Variants in MDN1 observed in about 807,000 individuals in gnomAD.
The protein encoded by MDN1 is midasin AAA ATPase 1, also known as midasin.
In MDN1, 266 loss-of-function variants were observed where a neutral mutation model predicts 669.2. The ratio of observed to expected loss-of-function variants is 0.40; its 90% CI spans 0.36 to 0.44. The LOEUF (loss-of-function observed/expected upper bound fraction) is 0.44, where lower values mean the gene tolerates loss of function less well. MDN1 is among the 20% of genes least tolerant of loss of function. MDN1 has a pLI of 1.00. For synonymous variants in MDN1, 2,385 were observed against 2,457.1 expected, an observed-to-expected ratio of 0.97 and a Z score of 0.87; for missense variants, 5,940 against 6,754.0, an observed-to-expected ratio of 0.88 and a Z score of 4.22.
rs769773144 is a variant in MDN1, at chr6:89,745,503, A to C, written c.4028T>G (p.Leu1343Arg). ...PQSLFSKENV[L>R]KLLGKLSTQI... ...TTTGGCCTACTCACCCAGCAATTTT[A>C]GAACATTTTCTTTGGAGAAAAGAGA... Residue 1343 changes from leucine (L) to arginine (R), a missense_variant, in exon 28 of 102, where the codon CTA becomes CGA. This residue lies in a region of MDN1 where 2,292 missense variants were observed against 2,638.3 expected (regional missense o/e 0.87). Coordinates refer to ENST00000369393, the MANE Select transcript of MDN1 (RefSeq NM_014611.3). The C allele has an allele frequency of 1.1e-5, 18 of 1,614,016 alleles. 1 individual carries two copies. Among genetic ancestry groups the C allele is most frequent in the Admixed American group, 1.0e-4 (6 of 59,994 alleles).
chr6:89,735,015 C>T (rs1237448763), intron 33 of MDN1, among the ~76,000 whole-genome samples: 2 of 151,486 alleles, frequency 1.3e-5, no homozygotes, highest in East Asian at 2.0e-4. Flanking sequence ...CTCAGCCTCC[C>T]AAGTAGCTGG....
intron 7 of MDN1, 67 bp downstream of exon 7, chr6:89,789,713 T>C: frequency 6.6e-7 from 1 of 1,505,694 alleles, no homozygotes; most frequent in South Asian, 1.3e-5. Context: ...AGAATCACTA[T>C]TAACAAAATG....
chr6:89,787,808 G>A lies in MDN1; in HGVS notation c.1334+46C>T, dbSNP rs368798321. ...CCTCTGGCTCAGCATGCAGACTTAC[G>A]AGTAAGTGGCTCCAGAGTGAAAACA... is the stretch of plus-strand genomic sequence containing the variant. On this transcript the variant is annotated intron_variant, in intron 8 of 101. Transcript: ENST00000369393. 9.1e-6 allele frequency: 13 copies of A among 1,434,866 alleles called. No individual in the cohort carries two copies. In the Admixed American group the frequency reaches 1.7e-4, roughly 18 times the overall value. 88.9% of individuals were successfully genotyped at this position (1,434,866 alleles called of 1,614,324 possible). A position where few individuals can be genotyped will look rare whatever the true frequency, so the allele number is the denominator to read the frequency against.
In MDN1 at chr6:89,672,186, G is replaced by C. The variant is rs370587381; in HGVS notation, c.13794+14C>G. On this transcript the variant is annotated intron_variant, in intron 82 of 101. Coordinates refer to ENST00000369393, the MANE Select transcript of MDN1 (RefSeq NM_014611.3). ...TTCTGAAGAGGAAGAAGTTTGTAAA[G>C]AACAGTTAGTTACCAGGTGCTTTGC... The C allele has an allele frequency of 1.3e-6, 2 of 1,564,444 alleles. No homozygotes were observed. Among genetic ancestry groups the C allele is most frequent in the East Asian group, 2.3e-5 (1 of 43,976 alleles).
rs765176337 is a variant in MDN1 at position 89,702,010 on chromosome 6, C to T, written c.8200G>A (p.Val2734Ile). The T allele has an allele frequency of 2.5e-6, 4 of 1,613,890 alleles. No homozygotes were observed. Among genetic ancestry groups the T allele is most frequent in the Middle Eastern group, 1.7e-4 (1 of 6,056 alleles). ...RDRFWTVADT[V>I]KVDAPGLALL... Reference sequence around the variant, plus strand: ...GCCAGACCTGGGGCATCTACTTTTACTGTGTCGGCCACAGTCCAGAACCGG... The same window carrying T: ...GCCAGACCTGGGGCATCTACTTTTATTGTGTCGGCCACAGTCCAGAACCGG... Residue 2734 changes from valine to isoleucine, a missense_variant, in exon 54 of 102, where the codon GTA becomes ATA. Physicochemically the swap from Val to Ile is conservative, Grantham distance 29. Transcript: ENST00000369393.
rs9451262 is a variant in MDN1 at position 89,687,854 on chromosome 6, C to A, written c.11355+224G>T. Among the ~76,000 whole-genome samples, 743 of 152,266 alleles carry A rather than the reference C, an allele frequency of 4.9e-3. 5 individuals carry two copies. The highest frequency in any genetic ancestry group is 0.012 in the African/African-American group (510 of 41,536). On this transcript the variant is annotated intron_variant, in intron 67 of 101. Coordinates refer to ENST00000369393, the MANE Select transcript of MDN1 (RefSeq NM_014611.3). ...GGCTGGGAGGAGTGCACCCTCATTA[C>A]CGGTAGATACTGCATCCCACTGGAT...
intron 34 of MDN1, 113 bp from the exon 35 acceptor site, chr6:89,731,036 A>C: frequency 3.7e-6 from 3 of 818,954 alleles, no homozygotes; most frequent in Non-Finnish European, 5.8e-6. Flanking sequence ...GCAAAACTGC[A>C]GCCTAAATGT....
At chr6:89,792,796 G>C (rs919185471) in intron 5 of MDN1, among the ~76,000 whole-genome samples, 2 of 151,714 alleles carry the variant, frequency 1.3e-5, no homozygotes, top group African/African-American at 4.8e-5. Flanking sequence ...TGAGGCAGGG[G>C]GTCACGAGGT....
chr6:89,684,221 T>C (rs754965018), intron 71 of MDN1, among the ~76,000 whole-genome samples: 4 of 152,060 alleles, frequency 2.6e-5, no homozygotes, highest in Admixed American at 6.6e-5. Context: ...CTTGCACCTG[T>C]AGTCCCAGCT....
At chr6:89,758,216 G>C (rs769556496) in intron 19 of MDN1, 39 bp downstream of exon 19, 142 of 1,512,922 alleles carry the variant, frequency 9.4e-5, no homozygotes, top group Admixed American at 6.4e-4. Context: ...GCAAGAACCT[G>C]TTGCAAAAAA....
At chr6:89,711,125 T>C (rs1432423955) in intron 49 of MDN1, among the ~76,000 whole-genome samples, 2 of 152,208 alleles carry the variant, frequency 1.3e-5, no homozygotes, top group Non-Finnish European at 2.9e-5. Flanking sequence ...ATTGACAAAT[T>C]CTCATGAAGT....
rs115816027 is a variant in MDN1 at position 89,687,394 on chromosome 6, A to T, written c.11400T>A (p.His3800Gln). ...TGATCATCTGACTGATCAAATCAAG[A>T]TGTTTCCGCAAAGACAAAGCTCGAC... is the stretch of plus-strand genomic sequence containing the variant. ...NASRALSLRK[H>Q]LDLISQMIIR... is the part of the protein sequence containing the mutation. The change falls in exon 68 of 102, where the codon CAT becomes CAA. Residue 3800 changes from histidine to glutamine, a missense_variant. Physicochemically the swap from His to Gln is conservative, Grantham distance 24. Around this residue, in one of 5 missense-constraint regions of MDN1, gnomAD observed 2,280 missense variants for 2,576.3 expected, o/e 0.88. Transcript: ENST00000369393. The T allele has an allele frequency of 1.2e-6, 2 of 1,614,034 alleles. No individual in the cohort carries two copies. Among genetic ancestry groups the T allele is most frequent in the Non-Finnish European group, 8.5e-7 (1 of 1,180,026 alleles).
In MDN1 at chr6:89,661,411, T is replaced by C; in HGVS notation, c.14713+20A>G. 1 of 1,608,106 alleles carries C rather than the reference T, an allele frequency of 6.2e-7. No homozygotes were observed. Among genetic ancestry groups the C allele is most frequent in the Non-Finnish European group, 8.5e-7 (1 of 1,177,740 alleles). ...ACTAATGTGAGTTCTAACCGGTCTC[T>C]TTGTTTCTGAAAGACGCACCTTCTC... is the stretch of plus-strand genomic sequence containing the variant. On this transcript the variant is annotated intron_variant, in intron 88 of 101. Coordinates refer to ENST00000369393, the MANE Select transcript of MDN1 (RefSeq NM_014611.3).
chr6:89,693,180 T>C, intron 62 of MDN1, 32 bp from the exon 63 acceptor site: 3 of 1,467,708 alleles, frequency 2.0e-6, no homozygotes, highest in Non-Finnish European at 2.8e-6. Flanking sequence ...ATGCCAATTA[T>C]GTCAGAAGAA....
rs1031168146 is a variant in MDN1 at position 89,761,710 on chromosome 6, T to G, written c.2395A>C (p.Arg799=). The G allele has an allele frequency of 1.2e-6, 2 of 1,611,982 alleles. No homozygotes were observed. The highest frequency in any genetic ancestry group is 2.7e-5 in the African/African-American group (2 of 74,900). ...IKEKWEAFGL[R]LNHAQQQMKM... is the part of the protein sequence containing the mutation. The stretch of plus-strand genomic sequence containing the variant: ...ATCTGTTGTTGGGCATGGTTGAGTC[T>G]AAGACCAAATGCTTCCCATTTCTCT... The change falls in exon 17 of 102, where the codon AGA becomes CGA. Residue 799 remains arginine (R), a synonymous_variant. Transcript: ENST00000369393.
In MDN1 at chr6:89,658,881, T is replaced by C. The variant is rs1298568827; in HGVS notation, c.14750A>G (p.Glu4917Gly). 6.2e-7 allele frequency: 1 copy of C among 1,612,822 alleles called. No homozygotes were observed. Among genetic ancestry groups the C allele is most frequent in the Admixed American group, 1.7e-5 (1 of 59,606 alleles). ...NPLEIKEKPE[E>G]AGHEAEERGE... ...TCTTTCCTCAGCTTCATGACCTGCT[T>C]CTTCTGGTTTTTCTTTTATCTCCAA... Residue 4917 changes from glutamate to glycine, a missense_variant, in exon 89 of 102, where the codon GAA becomes GGA. Physicochemically the swap from Glu to Gly is moderately conservative, Grantham distance 98 (BLOSUM62 -2). Transcript: ENST00000369393.
chr6:89,754,054 A>AT (rs749246901), intron 21 of MDN1, 29 bp downstream of exon 21: 39 of 1,606,914 alleles, frequency 2.4e-5, no homozygotes, highest in East Asian at 2.0e-4. Context: ...CATTAAGCTC[A>AT]TATCCAGTCA....
chr6:89,805,857 A>T (rs551546466), intron 1 of MDN1, among the ~76,000 whole-genome samples: 1 of 152,354 alleles, frequency 6.6e-6, no homozygotes, highest in East Asian at 1.9e-4. Flanking sequence ...AAGAAATTTA[A>T]CAGATTTGGT....
chr6:89,814,517 T>C (rs1768675413), intron 1 of MDN1, among the ~76,000 whole-genome samples: 1 of 151,470 alleles, frequency 6.6e-6, no homozygotes, highest in Non-Finnish European at 1.5e-5. Context: ...AACCACCACA[T>C]CTGGCCCAAA....
Sources: gnomAD v4.1 joint callset for allele counts (sites outside exome capture counted in the v4.1 genomes callset) on GRCh38, gnomAD v4.1.1 for gene constraint, gnomAD v4.1.1 regional missense constraint, MANE v1.5 for transcripts, NCBI Gene and HGNC (gene_info 2026-07-23, HGNC 2026-07-21) for gene names.